The following TLK1 variants were observed in gnomAD, a reference collection of about 807,000 sequenced individuals.
The protein encoded by TLK1 is serine/threonine-protein kinase tousled-like 1.
In TLK1, 24 loss-of-function variants were observed where a neutral mutation model predicts 105.3. The observed-to-expected ratio is 0.23, with a 90% confidence interval of 0.17 to 0.32. TLK1 has a LOEUF of 0.32. TLK1 is among the 10% of genes least tolerant of loss of function. The pLI, the probability that TLK1 is intolerant of heterozygous loss-of-function variation, is 1.00. For missense variants in TLK1, 558 were observed against 910.5 expected (o/e 0.61, Z 4.98); for synonymous variants, 321 against 310.4 (o/e 1.03, Z -0.36).
At position 171,056,837 on chromosome 2, in the gene TLK1, CAAAT is replaced by C. The variant is rs200047943; in HGVS notation, c.454-275_454-272del. Among the ~76,000 whole-genome samples, 26 of 152,002 alleles carry C rather than the reference CAAAT, an allele frequency of 1.7e-4. No individual in the cohort carries two copies. The East Asian group carries it at 1.7e-3, about 10-fold the overall frequency. ...TCTGTTATTTTGGTCAACTCAAAGACAAATAAATTCCTCCAAAGCAATAAACATA... is the reference window on the plus strand; with the variant it reads ...TCTGTTATTTTGGTCAACTCAAAGACAAATTCCTCCAAAGCAATAAACATA... On this transcript the variant is annotated intron_variant, in intron 5 of 20. Transcript: ENST00000431350.
At chr2:171,015,252 A>G (rs1287659487) in intron 12 of TLK1, among the ~76,000 whole-genome samples, 2 of 151,894 alleles carry the variant, frequency 1.3e-5, no homozygotes, top group Non-Finnish European at 2.9e-5. Flanking sequence ...GAAAACTGAC[A>G]TAACATAAAA....
At chr2:171,084,520 A>T (rs1424968450) in intron 2 of TLK1, among the ~76,000 whole-genome samples, 1 of 152,240 alleles carries the variant, frequency 6.6e-6, no homozygotes, top group Non-Finnish European at 1.5e-5. Context: ...GCCTAAAAAC[A>T]GCAGTAGAGA....
chr2:171,224,716 T>A (rs1484134203), intron 1 of TLK1, among the ~76,000 whole-genome samples: 1 of 152,100 alleles, frequency 6.6e-6, no homozygotes, highest in East Asian at 1.9e-4. Context: ...ATCCTAAAAT[T>A]TATATGGAAA....
chr2:171,085,249 C>T (rs1173194188), intron 2 of TLK1, among the ~76,000 whole-genome samples: 4 of 151,908 alleles, frequency 2.6e-5, no homozygotes, highest in East Asian at 3.9e-4. Flanking sequence ...ATTAGCCAGG[C>T]GTGATGGTGC....
intron 12 of TLK1, among the ~76,000 whole-genome samples, chr2:171,027,844 T>A (rs1337244052): frequency 6.6e-6 from 1 of 152,206 alleles, no homozygotes; most frequent in Non-Finnish European, 1.5e-5. Flanking sequence ...GATAAAGGAA[T>A]GTTGTTTTAA....
chr2:171,119,517 G>T (rs962166561), intron 1 of TLK1, among the ~76,000 whole-genome samples: 1 of 152,120 alleles, frequency 6.6e-6, no homozygotes. Flanking sequence ...AAAATCTACT[G>T]AAGTTTTGCT....
intron 20 of TLK1, 96 bp downstream of exon 20, chr2:170,996,557 T>C (rs777249914): frequency 5.1e-6 from 5 of 975,372 alleles, no homozygotes; most frequent in South Asian, 1.6e-5. Flanking sequence ...GCAGCGAGTC[T>C]TGTGACTTTA....
chr2:171,035,593 CAA>C (rs1346942621), intron 11 of TLK1, among the ~76,000 whole-genome samples: 1 of 152,078 alleles, frequency 6.6e-6, no homozygotes, highest in East Asian at 1.9e-4. Context: ...AAATAATGGC[CAA>C]AGACTTCCAT....
At chr2:171,167,163 A>G (rs1692625165) in intron 1 of TLK1, among the ~76,000 whole-genome samples, 1 of 152,222 alleles carries the variant, frequency 6.6e-6, no homozygotes, top group South Asian at 2.1e-4. Context: ...GGGTGGGAGT[A>G]CGGAGGTATG....
At chr2:171,223,646 AT>A (rs1213589768) in intron 1 of TLK1, among the ~76,000 whole-genome samples, 2 of 151,838 alleles carry the variant, frequency 1.3e-5, no homozygotes, top group African/African-American at 4.8e-5. Context: ...TACCCAGCTA[AT>A]TTTTGTATTT....
At chr2:171,117,611 G>C (rs891709103) in intron 2 of TLK1, 128 bp downstream of exon 2, 2 of 710,472 alleles carry the variant, frequency 2.8e-6, no homozygotes, top group African/African-American at 3.6e-5. Context: ...TATGAACACT[G>C]ATCTTATTCT....
At chr2:171,043,453 C>T (rs77494527) in intron 11 of TLK1, among the ~76,000 whole-genome samples, 1 of 152,244 alleles carries the variant, frequency 6.6e-6, no homozygotes, top group East Asian at 1.9e-4. Context: ...TGGGTTAGAT[C>T]ATTCAAGTAC....
chr2:171,010,155 G>A (rs1379395410), intron 14 of TLK1, among the ~76,000 whole-genome samples: 1 of 152,176 alleles, frequency 6.6e-6, no homozygotes, highest in Non-Finnish European at 1.5e-5. Context: ...AGAAGGGAAG[G>A]GTCATGGCTG....
At chr2:171,070,626 A>G (rs967551231) in intron 3 of TLK1, among the ~76,000 whole-genome samples, 1 of 152,090 alleles carries the variant, frequency 6.6e-6, no homozygotes, top group African/African-American at 2.4e-5. Flanking sequence ...TTATGGCTGA[A>G]TAGTACTCCA....
intron 1 of TLK1, among the ~76,000 whole-genome samples, chr2:171,119,249 C>T (rs1165045013): frequency 1.3e-5 from 2 of 152,160 alleles, no homozygotes; most frequent in African/African-American, 4.8e-5. Context: ...CATTTTTTCT[C>T]TTCCTGCTAT....
chr2:171,040,208 T>C (rs940428011), intron 11 of TLK1, among the ~76,000 whole-genome samples: 2 of 152,146 alleles, frequency 1.3e-5, no homozygotes, highest in African/African-American at 2.4e-5. Flanking sequence ...ATTGCATGAA[T>C]TGAAAAACAG....
rs148236834 is a variant in TLK1, at chr2:171,055,162, T to C, written c.560A>G (p.Asn187Ser). The C allele has an allele frequency of 6.8e-4, 1,010 of 1,476,950 alleles. 4 individuals carry two copies. The African/African-American group carries it at 0.014, about 20-fold the overall frequency. The allele number at this position is 1,476,950 out of a possible 1,614,324, so 91.5% of individuals were successfully genotyped here. ...HSTPSSSVRP[N>S]SPSPTALAFG... ...TGCTAATGCAGTAGGAGAAGGGCTA[T>C]TCGGTCGAACCTAAAGAAATTATTA... The change falls in exon 7 of 21, where the codon AAT (asparagine) becomes AGT (serine). Residue 187 changes from asparagine to serine, a missense_variant. Coordinates refer to ENST00000431350, the MANE Select transcript of TLK1 (RefSeq NM_012290.5).
chr2:171,142,589 C>T (rs1008836339), intron 1 of TLK1, among the ~76,000 whole-genome samples: 2 of 152,170 alleles, frequency 1.3e-5, no homozygotes, highest in Non-Finnish European at 2.9e-5. Flanking sequence ...AAAACCTTGA[C>T]TTGTCAGCAC....
chr2:171,004,699 A>G (rs576245009), intron 18 of TLK1, among the ~76,000 whole-genome samples: 9 of 152,278 alleles, frequency 5.9e-5, no homozygotes, highest in African/African-American at 2.2e-4. Flanking sequence ...TTTTCAAGCT[A>G]TCTTCCATGG....
Sources: allele counts gnomAD v4.1 joint callset (sites outside exome capture counted in the v4.1 genomes callset), GRCh38; gene constraint gnomAD v4.1.1; transcripts MANE v1.5; gene names NCBI Gene and HGNC (gene_info 2026-07-23, HGNC 2026-07-21).